Variants in CLSTN2 observed in about 807,000 individuals in gnomAD.
CLSTN2 encodes the protein calsyntenin-2.
Under a neutral mutation model 101.2 loss-of-function variants are expected in CLSTN2, and 48 were observed. The ratio of observed to expected loss-of-function variants is 0.47; its 90% CI spans 0.38 to 0.60. The LOEUF (loss-of-function observed/expected upper bound fraction) is 0.60. CLSTN2 is among the 20% of genes least tolerant of loss of function. The pLI, the probability that CLSTN2 is intolerant of heterozygous loss-of-function variation, is 0.00. For synonymous variants in CLSTN2, 481 were observed against 463.6 expected, an observed-to-expected ratio of 1.04 and a Z score of -0.48; for missense variants, 1,160 against 1,238.2, an observed-to-expected ratio of 0.94 and a Z score of 0.95.
At position 140,569,011 on chromosome 3, in the gene CLSTN2, G is replaced by C. The variant is rs538349049; in HGVS notation, c.*2758G>C. The C allele has an allele frequency of 5.3e-5, 8 of 152,352 alleles. No individual in the cohort carries two copies. In the East Asian group the frequency reaches 1.3e-3, roughly 26 times the overall value. 9.4% of individuals were successfully genotyped at this position (152,352 alleles called of 1,614,324 possible). A position where few individuals can be genotyped will look rare whatever the true frequency, so the allele number is the denominator to read the frequency against. ...TCATTCTCTGCATGTCAGCTACAAA[G>C]ATCAGGCACTTGAATGAATCCGCTG... On this transcript the variant is annotated 3_prime_UTR_variant, in exon 17 of 17. Coordinates refer to ENST00000458420, the MANE Select transcript of CLSTN2 (RefSeq NM_022131.3).
intron 1 of CLSTN2, among the ~76,000 whole-genome samples, chr3:140,102,258 G>A (rs759384075): frequency 2.6e-5 from 4 of 152,222 alleles, no homozygotes; most frequent in Non-Finnish European, 5.9e-5. Flanking sequence ...AGACGGAGTT[G>A]TAGATGGAGT....
intron 2 of CLSTN2, among the ~76,000 whole-genome samples, chr3:140,372,383 T>A (rs1273802722): frequency 6.6e-6 from 1 of 152,228 alleles, no homozygotes; most frequent in African/African-American, 2.4e-5. Context: ...TGCTAGAGCA[T>A]CTTTTCCCAC....
At chr3:140,184,467 C>A (rs1427717277) in intron 2 of CLSTN2, among the ~76,000 whole-genome samples, 1 of 152,090 alleles carries the variant, frequency 6.6e-6, no homozygotes, top group Non-Finnish European at 1.5e-5. Flanking sequence ...CATGAGAACT[C>A]ACTATCATGA....
At chr3:140,496,824 C>T (rs770368318) in intron 8 of CLSTN2, among the ~76,000 whole-genome samples, 1 of 152,068 alleles carries the variant, frequency 6.6e-6, no homozygotes, top group Non-Finnish European at 1.5e-5. Context: ...GCAGTCTAGC[C>T]GGGCGCGGTG....
At chr3:140,445,358 C>A (rs1933054393) in intron 5 of CLSTN2, among the ~76,000 whole-genome samples, 1 of 152,196 alleles carries the variant, frequency 6.6e-6, no homozygotes, top group South Asian at 2.1e-4. Flanking sequence ...GGGATGCCTG[C>A]AGCCTCTGCT....
intron 2 of CLSTN2, among the ~76,000 whole-genome samples, chr3:140,186,448 T>C (rs2010486638): frequency 6.6e-6 from 1 of 152,208 alleles, no homozygotes; most frequent in South Asian, 2.1e-4. Context: ...TTGTTTGAGA[T>C]CACAAACCAA....
At chr3:140,416,836 G>A (rs994014295) in intron 4 of CLSTN2, among the ~76,000 whole-genome samples, 4 of 152,240 alleles carry the variant, frequency 2.6e-5, no homozygotes, top group Non-Finnish European at 5.9e-5. Flanking sequence ...TCAAGCAATT[G>A]TTTGGTCTTC....
chr3:140,557,851 G>A (rs1374984522), intron 11 of CLSTN2, among the ~76,000 whole-genome samples: 2 of 152,200 alleles, frequency 1.3e-5, no homozygotes, highest in Admixed American at 1.3e-4. Flanking sequence ...CATGAGGTCT[G>A]ACGAGAAGTT....
intron 6 of CLSTN2, 47 bp from the exon 7 acceptor site, chr3:140,459,474 G>C (rs1293355369): frequency 6.2e-7 from 1 of 1,604,652 alleles, no homozygotes; most frequent in East Asian, 2.2e-5. Context: ...AACAGATGAG[G>C]ACACCGCATC....
At chr3:140,463,824 A>G (rs1331065912) in intron 7 of CLSTN2, among the ~76,000 whole-genome samples, 2 of 152,202 alleles carry the variant, frequency 1.3e-5, no homozygotes, top group African/African-American at 4.8e-5. Flanking sequence ...AAGGCTAGCA[A>G]CCAGAGGGCT....
In CLSTN2 at chr3:140,210,184, G is replaced by A. The variant is rs890793071; in HGVS notation, c.232+34111G>A. Among the ~76,000 whole-genome samples the A allele has an allele frequency of 4.6e-5, 7 of 152,288 alleles. No individual in the cohort carries two copies. The East Asian group carries it at 9.7e-4, about 21-fold the overall frequency. On this transcript the variant is annotated intron_variant, in intron 2 of 16. Transcript: ENST00000458420. ...GTCTTTACTTCACAAATAAGGAATCGAGGCACAAAGAACTCGCTGTTTGTG... is the reference window on the plus strand; with the variant it reads ...GTCTTTACTTCACAAATAAGGAATCAAGGCACAAAGAACTCGCTGTTTGTG...
chr3:140,185,670 T>C (rs1208079801), intron 2 of CLSTN2, among the ~76,000 whole-genome samples: 2 of 139,068 alleles, frequency 1.4e-5, no homozygotes, highest in African/African-American at 5.4e-5. Flanking sequence ...GTTAAAAGGA[T>C]GGGGGTGCAG....
At chr3:140,010,382 C>G (rs1560068711) in intron 1 of CLSTN2, among the ~76,000 whole-genome samples, 1 of 152,160 alleles carries the variant, frequency 6.6e-6, no homozygotes. Flanking sequence ...GACATGGCTG[C>G]ATTTGTGTGT....
chr3:140,269,468 C>T (rs776823534), intron 2 of CLSTN2, among the ~76,000 whole-genome samples: 102 of 152,068 alleles, frequency 6.7e-4, no homozygotes, highest in Admixed American at 6.5e-4. Flanking sequence ...GAGAGTTCAG[C>T]GACAATCAAT....
intron 8 of CLSTN2, among the ~76,000 whole-genome samples, chr3:140,473,359 C>T (rs1933899157): frequency 6.6e-6 from 1 of 152,154 alleles, no homozygotes; most frequent in Non-Finnish European, 1.5e-5. Context: ...ACCTCTGAAC[C>T]CCAGAAAGCT....
intron 2 of CLSTN2, among the ~76,000 whole-genome samples, chr3:140,381,813 C>T (rs777217479): frequency 2.0e-4 from 30 of 152,204 alleles, no homozygotes; most frequent in Non-Finnish European, 3.7e-4. Flanking sequence ...TTGGAGCTTT[C>T]CATTATTACA....
intron 1 of CLSTN2, among the ~76,000 whole-genome samples, chr3:140,157,483 T>C (rs2009974465): frequency 6.6e-6 from 1 of 152,202 alleles, no homozygotes; most frequent in Non-Finnish European, 1.5e-5. Context: ...TGTGTGTTTC[T>C]AGGAATTTAT....
intron 2 of CLSTN2, among the ~76,000 whole-genome samples, chr3:140,290,929 C>A (rs545426802): frequency 6.6e-6 from 1 of 152,120 alleles, no homozygotes; most frequent in Non-Finnish European, 1.5e-5. Flanking sequence ...TTTAACACCC[C>A]TCTCTCCCAG....
chr3:140,154,309 G>A (rs966561299), intron 1 of CLSTN2, among the ~76,000 whole-genome samples: 2 of 152,116 alleles, frequency 1.3e-5, no homozygotes, highest in Non-Finnish European at 2.9e-5. Flanking sequence ...GATACTCCAA[G>A]GAAGGCCTGA....
Sources: gnomAD v4.1 joint callset for allele counts (sites outside exome capture counted in the v4.1 genomes callset) on GRCh38, gnomAD v4.1.1 for gene constraint, MANE v1.5 for transcripts, NCBI Gene and HGNC (gene_info 2026-07-23, HGNC 2026-07-21) for gene names.